Variants in ZNF217 observed in about 807,000 individuals in gnomAD.
ZNF217 encodes the protein zinc finger protein 217.
Under a neutral mutation model 73.3 loss-of-function variants are expected in ZNF217, and 12 were observed. The observed-to-expected ratio is 0.16, with a 90% CI of 0.10 to 0.27. The LOEUF (loss-of-function observed/expected upper bound fraction) is 0.27, where lower values mean the gene tolerates loss of function less well. Among genes scored for constraint, ZNF217 ranks in the 10% least tolerant of loss-of-function variants. ZNF217 has a pLI of 1.00. For missense variants in ZNF217, 1,195 were observed against 1,327.8 expected, an observed-to-expected ratio of 0.90 and a Z score of 1.55; for synonymous variants, 588 against 516.4, an observed-to-expected ratio of 1.14 and a Z score of -1.88.
Position 53,575,999 on chromosome 20 carries a change from G to A in ZNF217, c.2765C>T (p.Ser922Phe). The A allele has an allele frequency of 6.2e-7, 1 of 1,614,210 alleles. No homozygotes were observed. The highest frequency in any genetic ancestry group is 8.5e-7 in the Non-Finnish European group (1 of 1,180,030). ...GTCAACGTCAAGGGCAACCACGCTGGACTTCAGTCTTTTTGGAAGGGGCTC... is the reference window on the plus strand; with the variant it reads ...GTCAACGTCAAGGGCAACCACGCTGAACTTCAGTCTTTTTGGAAGGGGCTC... ...FGEPLPKRLK[S>F]SVVALDVDQP... is the part of the protein sequence containing the mutation. The change falls in exon 4 of 6, where the codon TCC (serine) becomes TTC (phenylalanine). Residue 922 changes from serine (S) to phenylalanine (F), a missense_variant. By Grantham distance (155) the Ser-to-Phe change is radical. Transcript: ENST00000371471.
At chr20:53,593,510 G>C (rs1190602765) in intron 1 of ZNF217, among the ~76,000 whole-genome samples, 11 of 151,662 alleles carry the variant, frequency 7.3e-5, no homozygotes, top group African/African-American at 1.5e-4. Flanking sequence ...ATCGTGCGGC[G>C]TGAGTGTGAC....
In ZNF217 at chr20:53,581,427, CG is replaced by C; in HGVS notation, c.1366+33del. ...AGACGGGGAGACAGACAGACACAGG[CG>C]GAACAGCACGGGACGGAGACAGGGC... On this transcript the variant is annotated intron_variant, in intron 2 of 5. Transcript: ENST00000371471. The surrounding 1 kb of genome is among the most constrained non-coding windows in gnomAD (Gnocchi z 4.9). 1 of 1,562,678 alleles carries C rather than the reference CG, an allele frequency of 6.4e-7. No homozygotes were observed. The highest frequency in any genetic ancestry group is 1.2e-5 in the South Asian group (1 of 84,334).
chr20:53,573,544 C>T (rs149592250), intron 4 of ZNF217, among the ~76,000 whole-genome samples: 1,728 of 152,276 alleles, frequency 0.011, 34 homozygotes, highest in African/African-American at 0.039. Context: ...CTGCAATCTG[C>T]GCATCCCCGG....
chr20:53,586,165 C>T (rs1168799776), intron 1 of ZNF217, among the ~76,000 whole-genome samples: 2 of 152,132 alleles, frequency 1.3e-5, no homozygotes, highest in Admixed American at 1.3e-4. Flanking sequence ...GCCTTGTCCA[C>T]TGCTGCCCCC....
intron 1 of ZNF217, among the ~76,000 whole-genome samples, chr20:53,592,701 C>T (rs917455847): frequency 1.3e-5 from 2 of 152,022 alleles, no homozygotes; most frequent in Non-Finnish European, 2.9e-5. Context: ...ATCCAGCCTC[C>T]CGGGCCCCCA....
chr20:53,567,537 T>A lies in ZNF217; in HGVS notation c.*1751A>T, dbSNP rs575088877. ...CACATACCCCCTTTAAGATTTATGG[T>A]TCTAGTCACAGCAAGCTCTCTGTAA... On this transcript the variant is annotated 3_prime_UTR_variant, in exon 6 of 6. Transcript: ENST00000371471. 6.6e-6 allele frequency: 1 copy of A among 152,636 alleles called. No individual in the cohort carries two copies. Among genetic ancestry groups the A allele is most frequent in the Non-Finnish European group, 1.5e-5 (1 of 68,040 alleles). The allele number at this position is 152,636 out of a possible 1,614,324, so 9.5% of individuals were successfully genotyped here.
chr20:53,573,077 A>G (rs1257619155), intron 4 of ZNF217, among the ~76,000 whole-genome samples: 1 of 151,762 alleles, frequency 6.6e-6, no homozygotes, highest in African/African-American at 2.4e-5. Context: ...TCAGGTCCCT[A>G]ATATAAAACA....
At chr20:53,572,157 T>C (rs565517162) in intron 4 of ZNF217, among the ~76,000 whole-genome samples, 1 of 152,322 alleles carries the variant, frequency 6.6e-6, no homozygotes, top group South Asian at 2.1e-4. Flanking sequence ...AACCAAACTA[T>C]GTAAAAGTGT....
chr20:53,570,043 CAAGCAGAG>C (rs993447849), intron 5 of ZNF217, among the ~76,000 whole-genome samples: 2 of 152,140 alleles, frequency 1.3e-5, no homozygotes, highest in African/African-American at 4.8e-5. Context: ...GAAGGAAACA[CAAGCAGAG>C]AAGCTCAGAG....
rs1375412963 is a variant in ZNF217 at position 53,592,755 on chromosome 20, G to C, written c.-343+1001C>G. Among the ~76,000 whole-genome samples the C allele has an allele frequency of 3.3e-5, 5 of 151,242 alleles. No individual in the cohort carries two copies. In the East Asian group the frequency reaches 9.8e-4, roughly 30 times the overall value. On this transcript the variant is annotated intron_variant, in intron 1 of 5. Coordinates refer to ENST00000371471, the MANE Select transcript of ZNF217 (RefSeq NM_006526.3). ...CCACCATCCCGTCCGGCTCGCAGTC[G>C]GGGCCAAATCGAGAGACAAGAGGGC...
At chr20:53,590,915 TA>T (rs1314074740) in intron 1 of ZNF217, among the ~76,000 whole-genome samples, 1 of 152,156 alleles carries the variant, frequency 6.6e-6, no homozygotes, top group Non-Finnish European at 1.5e-5. Context: ...GGAAGGGGAT[TA>T]GGGGCTCCTA....
chr20:53,594,763 C>A (rs576825321), upstream of ZNF217, among the ~76,000 whole-genome samples: 1 of 152,238 alleles, frequency 6.6e-6, no homozygotes, highest in South Asian at 2.1e-4. Context: ...TGGGTCACCC[C>A]GAATTACAAA....
chr20:53,572,370 C>T (rs1214831014), intron 4 of ZNF217, among the ~76,000 whole-genome samples: 2 of 151,856 alleles, frequency 1.3e-5, no homozygotes, highest in South Asian at 2.1e-4. Context: ...CCGTGATTGC[C>T]CCCACTGCAC....
chr20:53,597,483 T>A (rs1047926240), upstream of ZNF217: 1 of 152,144 alleles, frequency 6.6e-6, no homozygotes, highest in Non-Finnish European at 1.5e-5. Context: ...TAAGTAGGAA[T>A]AACAAACAGC....
intron 2 of ZNF217, among the ~76,000 whole-genome samples, chr20:53,580,034 G>A (rs1010219389): frequency 4.6e-5 from 7 of 152,178 alleles, no homozygotes; most frequent in African/African-American, 9.7e-5. Flanking sequence ...AACAGTACCG[G>A]CACTAGCAGA....
intron 5 of ZNF217, 114 bp from the exon 6 acceptor site, chr20:53,569,378 G>A (rs1987892165): frequency 1.4e-6 from 1 of 721,430 alleles, no homozygotes; most frequent in South Asian, 1.9e-5. Context: ...AAATGCAATG[G>A]GTTCTATTTG....
chr20:53,580,966 A>G (rs527460169), intron 2 of ZNF217, among the ~76,000 whole-genome samples: 2 of 152,174 alleles, frequency 1.3e-5, no homozygotes, highest in Non-Finnish European at 2.9e-5. Context: ...TTGGGACCAG[A>G]TAATTCTTTG....
intron 5 of ZNF217, 47 bp from the exon 6 acceptor site, chr20:53,569,311 C>G: frequency 8.2e-7 from 1 of 1,217,946 alleles, no homozygotes; most frequent in South Asian, 1.5e-5. Context: ...AAACTGAATA[C>G]AGTTTAGAAA....
rs377312666 is a variant in ZNF217, at chr20:53,569,149, A to G, written c.*139T>C. On this transcript the variant is annotated 3_prime_UTR_variant, in exon 6 of 6. Coordinates refer to ENST00000371471, the MANE Select transcript of ZNF217 (RefSeq NM_006526.3). ...CTGTAGTGTTCCTTGCAGATTCCTC[A>G]TATGTTTTATGTACAGTACAATCAC... 6 of 1,341,668 alleles carry G rather than the reference A, an allele frequency of 4.5e-6. No homozygotes were observed. The highest frequency in any genetic ancestry group is 9.3e-5 in the East Asian group (2 of 21,546). The allele number at this position is 1,341,668 out of a possible 1,614,324, so 83.1% of individuals were successfully genotyped here.
Sources: gnomAD v4.1 joint callset for allele counts (sites outside exome capture counted in the v4.1 genomes callset) on GRCh38, gnomAD v4.1.1 for gene constraint, Gnocchi (gnomAD v3.1) non-coding constraint, MANE v1.5 for transcripts, NCBI Gene and HGNC (gene_info 2026-07-23, HGNC 2026-07-21) for gene names.